EDIL3: variants seen among roughly 807,000 people sequenced by gnomAD.
EDIL3 encodes the protein EGF like and discoidin domains 3.
A neutral mutation model predicts 67.4 loss-of-function variants in EDIL3; 37 were observed. The observed-to-expected ratio is 0.55, with a 90% CI of 0.42 to 0.72. The LOEUF is 0.72. EDIL3 is among the 30% of genes least tolerant of loss of function. EDIL3 has a pLI of 0.00. For missense variants in EDIL3, 527 were observed against 586.3 expected, an observed-to-expected ratio of 0.90 and a Z score of 1.04; for synonymous variants, 195 against 196.3, an observed-to-expected ratio of 0.99 and a Z score of 0.05.
intron 1 of EDIL3, among the ~76,000 whole-genome samples, chr5:84,303,840 G>T (rs934344546): frequency 4.1e-5 from 6 of 146,164 alleles, no homozygotes; most frequent in African/African-American, 1.3e-4. Context: ...GTGTGTGTGT[G>T]TGTGTGTGTT....
chr5:84,180,306 T>TATG, intron 4 of EDIL3, 87 bp downstream of exon 4: 4 of 1,419,584 alleles, frequency 2.8e-6, no homozygotes, highest in Non-Finnish European at 2.8e-6. Context: ...TCTCAGATTC[T>TATG]ATGATTCTAC....
At chr5:84,068,025 G>T (rs1032165078) in intron 6 of EDIL3, among the ~76,000 whole-genome samples, 1 of 152,126 alleles carries the variant, frequency 6.6e-6, no homozygotes, top group Non-Finnish European at 1.5e-5. Flanking sequence ...GGTTCAAAAA[G>T]ACAATATCCC....
intron 5 of EDIL3, among the ~76,000 whole-genome samples, chr5:84,111,563 G>C (rs953420668): frequency 6.6e-6 from 1 of 152,142 alleles, no homozygotes; most frequent in African/African-American, 2.4e-5. Context: ...GGATAAATAA[G>C]GCAGAAAAGG....
intron 5 of EDIL3, among the ~76,000 whole-genome samples, chr5:84,134,024 G>T (rs1332575683): frequency 6.6e-6 from 1 of 151,800 alleles, no homozygotes; most frequent in Non-Finnish European, 1.5e-5. Flanking sequence ...TAATTTCATT[G>T]TTATTGAAAA....
At chr5:84,274,310 C>T (rs1745532005) in intron 1 of EDIL3, among the ~76,000 whole-genome samples, 3 of 152,008 alleles carry the variant, frequency 2.0e-5, no homozygotes, top group Non-Finnish European at 4.4e-5. Context: ...CTGTGTTGCT[C>T]AGGCTGGTCT....
At chr5:84,092,593 G>A (rs1191300887) in intron 6 of EDIL3, among the ~76,000 whole-genome samples, 1 of 151,630 alleles carries the variant, frequency 6.6e-6, no homozygotes, top group Non-Finnish European at 1.5e-5. Flanking sequence ...TTTTTACAAG[G>A]GTAAATATTA....
chr5:84,217,829 TA>T (rs1744263993), intron 3 of EDIL3, among the ~76,000 whole-genome samples: 1 of 152,134 alleles, frequency 6.6e-6, no homozygotes, highest in African/African-American at 2.4e-5. Flanking sequence ...CTTTTCTTTT[TA>T]AATCAGTTTC....
chr5:84,160,011 C>T (rs1748574807), intron 4 of EDIL3, among the ~76,000 whole-genome samples: 1 of 152,060 alleles, frequency 6.6e-6, no homozygotes, highest in Non-Finnish European at 1.5e-5. Flanking sequence ...TCTGACATTT[C>T]TCTGCAGATT....
At chr5:84,334,318 C>T (rs532478794) in intron 1 of EDIL3, among the ~76,000 whole-genome samples, 2 of 152,072 alleles carry the variant, frequency 1.3e-5, no homozygotes, top group Admixed American at 6.6e-5. Flanking sequence ...CCCACCTCGG[C>T]CCCCCAAAGT....
At chr5:84,083,986 T>C (rs966297408) in intron 6 of EDIL3, among the ~76,000 whole-genome samples, 1 of 152,014 alleles carries the variant, frequency 6.6e-6, no homozygotes, top group African/African-American at 2.4e-5. Context: ...GGGAAGAAGA[T>C]GTGGAATTGT....
chr5:84,091,336 C>T (rs1027871116), intron 6 of EDIL3, among the ~76,000 whole-genome samples: 21 of 152,192 alleles, frequency 1.4e-4, no homozygotes, highest in African/African-American at 4.8e-4. Flanking sequence ...TGCTGAAGTG[C>T]TAACTGTTAG....
chr5:84,351,560 G>A (rs1747362376), intron 1 of EDIL3, among the ~76,000 whole-genome samples: 1 of 152,096 alleles, frequency 6.6e-6, no homozygotes, highest in Non-Finnish European at 1.5e-5. Flanking sequence ...CTATCAAAAG[G>A]AGATGATACT....
intron 9 of EDIL3, among the ~76,000 whole-genome samples, chr5:83,993,871 T>A (rs1745192155): frequency 6.6e-6 from 1 of 152,192 alleles, no homozygotes; most frequent in African/African-American, 2.4e-5. Flanking sequence ...ACCCAGGTCT[T>A]CCAAGGCAAT....
In EDIL3 at chr5:84,135,907, C is replaced by T. The variant is rs534744425; in HGVS notation, c.469+1334G>A. ...GGTTTGTCAGGACTACAGTAATGAG[C>T]ATCCCATTTTATATCATTATTTTAT... On this transcript the variant is annotated intron_variant, in intron 5 of 10. Coordinates refer to ENST00000296591, the MANE Select transcript of EDIL3 (RefSeq NM_005711.5). Among the ~76,000 whole-genome samples, 11 of 152,064 alleles carry T rather than the reference C, an allele frequency of 7.2e-5. No individual in the cohort carries two copies. In the South Asian group the frequency reaches 2.3e-3, roughly 32 times the overall value.
intron 2 of EDIL3, among the ~76,000 whole-genome samples, chr5:84,232,769 T>C (rs1744609243): frequency 6.6e-6 from 1 of 152,178 alleles, no homozygotes; most frequent in Non-Finnish European, 1.5e-5. Flanking sequence ...GGGTTACTAT[T>C]GGTAATAATC....
At chr5:84,011,253 G>C (rs1480377952) in intron 9 of EDIL3, among the ~76,000 whole-genome samples, 1 of 152,000 alleles carries the variant, frequency 6.6e-6, no homozygotes. Context: ...CTAATCTTCT[G>C]TATCTTAGCA....
At chr5:84,147,293 C>T (rs1420905324) in intron 4 of EDIL3, among the ~76,000 whole-genome samples, 2 of 152,016 alleles carry the variant, frequency 1.3e-5, no homozygotes, top group African/African-American at 4.8e-5. Flanking sequence ...TAAAATGTAC[C>T]ATATGCTTTT....
intron 2 of EDIL3, among the ~76,000 whole-genome samples, chr5:84,238,031 C>G (rs1323922212): frequency 6.6e-6 from 1 of 152,084 alleles, no homozygotes; most frequent in Non-Finnish European, 1.5e-5. Context: ...GGGCTGAATA[C>G]TGAATATTCT....
intron 5 of EDIL3, among the ~76,000 whole-genome samples, chr5:84,129,651 A>C (rs1747926446): frequency 6.6e-6 from 1 of 152,098 alleles, no homozygotes; most frequent in Non-Finnish European, 1.5e-5. Context: ...CAAATTTCTA[A>C]AACAGAGCAG....
Sources: gnomAD v4.1 joint callset for allele counts (sites outside exome capture counted in the v4.1 genomes callset) on GRCh38, gnomAD v4.1.1 for gene constraint, MANE v1.5 for transcripts, NCBI Gene and HGNC (gene_info 2026-07-23, HGNC 2026-07-21) for gene names.